Variants in GRM7 observed in about 807,000 individuals in gnomAD.
GRM7 encodes the protein glutamate metabotropic receptor 7.
A neutral mutation model predicts 84.5 loss-of-function variants in GRM7; 35 were observed. The observed-to-expected ratio is 0.41, with a 90% CI of 0.32 to 0.55. The LOEUF is 0.55. Ranked by LOEUF, GRM7 falls within the 20% of genes least tolerant of loss-of-function variation. The pLI, the probability that GRM7 is intolerant of heterozygous loss-of-function variation, is 0.19. For synonymous variants in GRM7, 487 were observed against 455.1 expected (o/e 1.07, Z -0.89); for missense variants, 1,003 against 1,194.6 (o/e 0.84, Z 2.36).
intron 1 of GRM7, among the ~76,000 whole-genome samples, chr3:7,133,252 A>G (rs1435706995): frequency 6.6e-6 from 1 of 152,138 alleles, no homozygotes; most frequent in African/African-American, 2.4e-5. Context: ...TTTTTCTTTT[A>G]TTTTCATTTT....
chr3:7,110,591 T>TCTCACA (rs1553618428), intron 1 of GRM7, among the ~76,000 whole-genome samples: 1 of 143,636 alleles, frequency 7.0e-6, no homozygotes, highest in Non-Finnish European at 1.5e-5. Flanking sequence ...CGATACTCTG[T>TCTCACA]CACACACACA....
At chr3:7,282,983 TAGTA>T (rs1472383357) in intron 2 of GRM7, among the ~76,000 whole-genome samples, 1 of 152,214 alleles carries the variant, frequency 6.6e-6, no homozygotes, top group Non-Finnish European at 1.5e-5. Flanking sequence ...CTGGGCCTAA[TAGTA>T]AGTAACTTTA....
At chr3:7,666,566 C>T (rs532746860) in intron 8 of GRM7, among the ~76,000 whole-genome samples, 9 of 152,162 alleles carry the variant, frequency 5.9e-5, no homozygotes, top group African/African-American at 4.8e-5. Context: ...ATCCTCTGCA[C>T]GATGCAAGTC....
In GRM7 at chr3:7,270,159, A is replaced by G. The variant is rs1273850580; in HGVS notation, c.737-28525A>G. Among the ~76,000 whole-genome samples the G allele has an allele frequency of 2.0e-5, 3 of 152,284 alleles. No individual in the cohort carries two copies. In the East Asian group the frequency reaches 5.8e-4, roughly 29 times the overall value. On this transcript the variant is annotated intron_variant, in intron 2 of 9. Transcript: ENST00000357716. Reference sequence around the variant, plus strand: ...CTGGGAAAGCCACACTTTGAGAACCAATGCTTTAAATCTTAGCATGTCGTC... The same window carrying G: ...CTGGGAAAGCCACACTTTGAGAACCGATGCTTTAAATCTTAGCATGTCGTC...
intron 1 of GRM7, among the ~76,000 whole-genome samples, chr3:7,026,909 T>TG (rs1696002794): frequency 6.6e-6 from 1 of 152,248 alleles, no homozygotes; most frequent in African/African-American, 2.4e-5. Context: ...GATTTACTTC[T>TG]GTTCCATTAC....
At chr3:7,461,760 T>C (rs1698258321) in intron 7 of GRM7, 38 bp downstream of exon 7, 1 of 1,593,510 alleles carries the variant, frequency 6.3e-7, no homozygotes. Flanking sequence ...CTTGTTGAGA[T>C]GAATGAACAG....
chr3:7,329,129 A>G (rs913489792), intron 4 of GRM7, among the ~76,000 whole-genome samples: 3 of 151,850 alleles, frequency 2.0e-5, no homozygotes, highest in African/African-American at 4.8e-5. Flanking sequence ...TTCTGCCATG[A>G]AAGACATCAT....
chr3:6,958,969 T>A (rs17046469), intron 1 of GRM7, among the ~76,000 whole-genome samples: 4,749 of 152,276 alleles, frequency 0.031, 251 homozygotes, highest in African/African-American at 0.11. Flanking sequence ...AAACCCATAA[T>A]CAAAATGGTA....
chr3:6,978,763 A>G (rs1252235187), intron 1 of GRM7, among the ~76,000 whole-genome samples: 1 of 152,168 alleles, frequency 6.6e-6, no homozygotes, highest in Non-Finnish European at 1.5e-5. Context: ...AATTAAAAAT[A>G]ATGGAGAAGA....
intron 1 of GRM7, among the ~76,000 whole-genome samples, chr3:7,002,257 G>A (rs75604783): frequency 0.014 from 2,074 of 152,184 alleles, 59 homozygotes; most frequent in African/African-American, 0.048. Flanking sequence ...GGTCTCCCAA[G>A]CTTTTTAGAT....
At chr3:7,316,646 C>A (rs1575159398) in intron 4 of GRM7, among the ~76,000 whole-genome samples, 1 of 152,218 alleles carries the variant, frequency 6.6e-6, no homozygotes, top group East Asian at 1.9e-4. Context: ...ATGGAGAATA[C>A]TATCATTAGA....
At chr3:7,636,089 T>A (rs1698080751) in intron 8 of GRM7, among the ~76,000 whole-genome samples, 1 of 152,234 alleles carries the variant, frequency 6.6e-6, no homozygotes, top group South Asian at 2.1e-4. Context: ...AACAGAAATT[T>A]CTTTAAAATA....
chr3:7,648,690 C>T (rs1698778613), intron 8 of GRM7, among the ~76,000 whole-genome samples: 1 of 151,764 alleles, frequency 6.6e-6, no homozygotes, highest in Admixed American at 6.6e-5. Flanking sequence ...GGCCAACTTC[C>T]CCTAGGACCT....
intron 5 of GRM7, among the ~76,000 whole-genome samples, chr3:7,420,141 A>G (rs1490052206): frequency 6.6e-6 from 1 of 152,142 alleles, no homozygotes; most frequent in African/African-American, 2.4e-5. Flanking sequence ...TGTATTTCTT[A>G]AGTCTTTTAT....
intron 4 of GRM7, among the ~76,000 whole-genome samples, chr3:7,384,476 A>G (rs1694709414): frequency 6.6e-6 from 1 of 152,226 alleles, no homozygotes; most frequent in African/African-American, 2.4e-5. Flanking sequence ...ATACATACAA[A>G]TTAGTATTTT....
At chr3:7,393,747 T>C (rs943396894) in intron 4 of GRM7, among the ~76,000 whole-genome samples, 3 of 152,224 alleles carry the variant, frequency 2.0e-5, no homozygotes, top group African/African-American at 7.2e-5. Context: ...TTTCAGACTC[T>C]TATGTGTCTC....
At chr3:6,925,954 A>G (rs1300264739) in intron 1 of GRM7, among the ~76,000 whole-genome samples, 2 of 152,216 alleles carry the variant, frequency 1.3e-5, no homozygotes, top group Non-Finnish European at 2.9e-5. Context: ...CATTTTGTTT[A>G]TCCCTGTTTT....
At chr3:7,452,373 G>A (rs1475433775) in intron 5 of GRM7, among the ~76,000 whole-genome samples, 1 of 152,080 alleles carries the variant, frequency 6.6e-6, no homozygotes, top group Non-Finnish European at 1.5e-5. Flanking sequence ...TAGTATGTAA[G>A]GTGTCACAAA....
At chr3:7,276,437 G>A (rs1699059708) in intron 2 of GRM7, among the ~76,000 whole-genome samples, 2 of 151,938 alleles carry the variant, frequency 1.3e-5, no homozygotes, top group South Asian at 4.2e-4. Context: ...AGCATTGCAT[G>A]GCGATCCTCC....
Sources: gnomAD v4.1 joint callset for allele counts (sites outside exome capture counted in the v4.1 genomes callset) on GRCh38, gnomAD v4.1.1 for gene constraint, MANE v1.5 for transcripts, NCBI Gene and HGNC (gene_info 2026-07-23, HGNC 2026-07-21) for gene names.